The following MYOF variants were observed in gnomAD, a reference collection of about 807,000 sequenced individuals.
The protein encoded by MYOF is myoferlin, also known as fer-1-like 3, myoferlin.
In MYOF, 244 loss-of-function variants were observed where a neutral mutation model predicts 284.2. The ratio of observed to expected loss-of-function variants is 0.86; its 90% CI spans 0.77 to 0.95. MYOF has a LOEUF of 0.95. MYOF is among the 40% of genes least tolerant of loss of function. MYOF has a pLI of 0.00. For synonymous variants in MYOF, 904 were observed against 919.7 expected (o/e 0.98, Z 0.31); for missense variants, 2,496 against 2,560.6 (o/e 0.97, Z 0.54).
intron 3 of MYOF, among the ~76,000 whole-genome samples, chr10:93,451,232 T>A (rs1428327627): frequency 6.6e-6 from 1 of 151,782 alleles, no homozygotes; most frequent in Non-Finnish European, 1.5e-5. Flanking sequence ...TCCAGCTACT[T>A]GGGAGGCTGA....
intron 1 of MYOF, among the ~76,000 whole-genome samples, chr10:93,481,561 A>T (rs1047888924): frequency 6.6e-6 from 1 of 152,214 alleles, no homozygotes; most frequent in Admixed American, 6.5e-5. Context: ...AGAATGTACA[A>T]AAAAAGCTCC....
chr10:93,343,714 T>A, intron 38 of MYOF, 142 bp downstream of exon 38: 1 of 798,784 alleles, frequency 1.3e-6, no homozygotes, highest in Non-Finnish European at 2.1e-6. Context: ...TAGACTCTTG[T>A]CTGTACTCAG....
At chr10:93,344,733 A>C (rs1844100357) in intron 37 of MYOF, among the ~76,000 whole-genome samples, 1 of 145,794 alleles carries the variant, frequency 6.9e-6, no homozygotes, top group South Asian at 2.1e-4. Flanking sequence ...AATTAAAAAA[A>C]AAAAAAAAAA....
At chr10:93,473,135 T>C (rs577974578) in intron 1 of MYOF, among the ~76,000 whole-genome samples, 2 of 152,190 alleles carry the variant, frequency 1.3e-5, no homozygotes, top group African/African-American at 4.8e-5. Flanking sequence ...TTTCCAAGTA[T>C]TGTGTTGGTT....
chr10:93,314,586 C>G (rs540737235), intron 50 of MYOF, among the ~76,000 whole-genome samples: 1 of 152,330 alleles, frequency 6.6e-6, no homozygotes, highest in African/African-American at 2.4e-5. Flanking sequence ...TTTAAACTGT[C>G]AGGCTCAGGG....
Position 93,351,181 on chromosome 10 carries a change from G to A in MYOF, c.3921+16C>T, listed in dbSNP as rs771855343. 15 of 1,610,422 alleles carry A rather than the reference G, an allele frequency of 9.3e-6. No individual in the cohort carries two copies. In the African/African-American group the frequency reaches 1.2e-4, roughly 13 times the overall value. On this transcript the variant is annotated intron_variant, in intron 35 of 53. Coordinates refer to ENST00000359263, the MANE Select transcript of MYOF (RefSeq NM_013451.4). ...ATCCGTTTGATTTGATGAGTAACACGTGGGGAGCAGCATACCTCAATGGCA... is the reference window on the plus strand; with the variant it reads ...ATCCGTTTGATTTGATGAGTAACACATGGGGAGCAGCATACCTCAATGGCA...
intron 1 of MYOF, among the ~76,000 whole-genome samples, chr10:93,459,831 G>A (rs2056833286): frequency 6.6e-6 from 1 of 152,192 alleles, no homozygotes; most frequent in African/African-American, 2.4e-5. Context: ...CTTGAAAAAG[G>A]TTAGGAATCC....
intron 3 of MYOF, among the ~76,000 whole-genome samples, chr10:93,446,840 C>A (rs2056444808): frequency 6.6e-6 from 1 of 151,842 alleles, no homozygotes; most frequent in African/African-American, 2.4e-5. Flanking sequence ...TGTGCCTTGG[C>A]CTCCTGAGCT....
rs373997810 is a variant in MYOF at position 93,399,430 on chromosome 10, C to T, written c.1183G>A (p.Val395Met). The change falls in exon 13 of 54, where the codon GTG becomes ATG. Residue 395 changes from valine to methionine, a missense_variant. Physicochemically the swap from Val to Met is conservative, Grantham distance 21. Coordinates refer to ENST00000359263, the MANE Select transcript of MYOF (RefSeq NM_013451.4). ...AAGGAAACTTCTACAAAAGGATCCA[C>T]GAGATTTTTCTTATCTGCATTGCCT... Reference protein sequence around the residue: ...FGGNADKKNLVDPFVEVSFAG... With the variant: ...FGGNADKKNLMDPFVEVSFAG... The T allele has an allele frequency of 1.2e-4, 188 of 1,613,608 alleles. No homozygotes were observed. The highest frequency in any genetic ancestry group is 1.4e-4 in the Non-Finnish European group (163 of 1,179,878).
intron 1 of MYOF, among the ~76,000 whole-genome samples, chr10:93,463,864 C>CAA (rs34959644): frequency 2.2e-5 from 2 of 91,570 alleles, no homozygotes; most frequent in African/African-American, 8.4e-5. Context: ...GACCCTGTCT[C>CAA]AAAAAAAAAA....
At chr10:93,320,927 G>A (rs1163226613) in intron 48 of MYOF, among the ~76,000 whole-genome samples, 1 of 152,098 alleles carries the variant, frequency 6.6e-6, no homozygotes, top group Non-Finnish European at 1.5e-5. Flanking sequence ...AAAACTCTCT[G>A]AGCCTCATCT....
intron 17 of MYOF, among the ~76,000 whole-genome samples, chr10:93,390,064 C>T (rs2134037047): frequency 6.6e-6 from 1 of 152,368 alleles, no homozygotes; most frequent in East Asian, 1.9e-4. Context: ...GCAAAGGCTT[C>T]AGCCTATCTT....
At chr10:93,338,004 T>C (rs112415766) in intron 39 of MYOF, 91 bp from the exon 40 acceptor site, 4 of 923,692 alleles carry the variant, frequency 4.3e-6, no homozygotes, top group Non-Finnish European at 7.0e-6. Context: ...TAAGAAGAAA[T>C]AGGTTCTTCT....
chr10:93,462,380 T>C (rs1368225643), intron 1 of MYOF, among the ~76,000 whole-genome samples: 1 of 152,118 alleles, frequency 6.6e-6, no homozygotes, highest in Non-Finnish European at 1.5e-5. Flanking sequence ...TGCTAAGCCC[T>C]TTACATGCAT....
rs1431627289 is a variant in MYOF at position 93,462,356 on chromosome 10, C to T, written c.89-5419G>A. Among the ~76,000 whole-genome samples the T allele has an allele frequency of 3.9e-5, 6 of 152,166 alleles. No individual in the cohort carries two copies. In the East Asian group the frequency reaches 1.2e-3, roughly 29 times the overall value. ...AAGTGCTGGGATTACAGGCGTGAGA[C>T]ACCGTGCCCGGCCTGCTAAGCCCTT... On this transcript the variant is annotated intron_variant, in intron 1 of 53. Transcript: ENST00000359263.
chr10:93,477,195 TAAAAG>T (rs1009298684), intron 1 of MYOF, among the ~76,000 whole-genome samples: 1 of 152,144 alleles, frequency 6.6e-6, no homozygotes, highest in Non-Finnish European at 1.5e-5. Flanking sequence ...AAAGCACCTT[TAAAAG>T]AAAAGAAAAG....
At chr10:93,310,449 C>A in intron 52 of MYOF, 85 bp downstream of exon 52, 1 of 1,366,160 alleles carries the variant, frequency 7.3e-7, no homozygotes, top group South Asian at 1.2e-5. Flanking sequence ...ACCACAAAAG[C>A]TAATCCATCC....
At chr10:93,454,854 C>G (rs2056695786) in intron 2 of MYOF, among the ~76,000 whole-genome samples, 1 of 151,866 alleles carries the variant, frequency 6.6e-6, no homozygotes, top group Non-Finnish European at 1.5e-5. Context: ...TGGCTTATAC[C>G]TGTAGTCCCA....
At chr10:93,408,301 G>A (rs937660345) in intron 7 of MYOF, among the ~76,000 whole-genome samples, 1 of 152,224 alleles carries the variant, frequency 6.6e-6, no homozygotes, top group East Asian at 1.9e-4. Context: ...TGTAATCCCA[G>A]CACTTTGTTG....
Sources: allele counts gnomAD v4.1 joint callset (sites outside exome capture counted in the v4.1 genomes callset), GRCh38; gene constraint gnomAD v4.1.1; transcripts MANE v1.5; gene names NCBI Gene and HGNC (gene_info 2026-07-23, HGNC 2026-07-21).